The following STX10 variants were observed in gnomAD, a reference collection of about 807,000 sequenced individuals.
STX10 encodes the protein syntaxin-10.
In STX10, 35 loss-of-function variants were observed where a neutral mutation model predicts 34.1. That is an observed-to-expected ratio of 1.03 (90% confidence interval 0.78 to 1.36). STX10 has a LOEUF of 1.36. STX10 is among the 40% of genes most tolerant of loss of function. The pLI, the probability that STX10 is intolerant of heterozygous loss-of-function variation, is 0.00. For missense variants in STX10, 361 were observed against 335.5 expected (o/e 1.08, Z -0.59); for synonymous variants, 155 against 132.9 (o/e 1.17, Z -1.15).
chr19:13,149,477 C>T, intron 3 of STX10, 22 bp downstream of exon 3: 7 of 1,585,130 alleles, frequency 4.4e-6, no homozygotes, highest in African/African-American at 1.4e-5. Context: ...CCCCACTCCC[C>T]GCCTGCAGGA....
At chr19:13,146,489 C>A (rs905146664) in intron 4 of STX10, among the ~76,000 whole-genome samples, 4 of 151,924 alleles carry the variant, frequency 2.6e-5, no homozygotes, top group African/African-American at 9.7e-5. Context: ...CCTGCCTCAG[C>A]CTCCCAAAGT....
At chr19:13,145,225 C>T in intron 5 of STX10, 63 bp downstream of exon 5, 1 of 1,474,992 alleles carries the variant, frequency 6.8e-7, no homozygotes, top group South Asian at 1.2e-5. Flanking sequence ...AAAAGGGACC[C>T]CAGACCTCAG....
chr19:13,144,743 C>A (rs1216837168), intron 6 of STX10, 21 bp downstream of exon 6: 2 of 1,612,720 alleles, frequency 1.2e-6, no homozygotes, highest in Non-Finnish European at 1.7e-6. Flanking sequence ...CCCTGGCCCA[C>A]CCCCAGGGTC....
chr19:13,145,164 A>G (rs947791906), intron 5 of STX10, 124 bp downstream of exon 5: 42 of 900,530 alleles, frequency 4.7e-5, no homozygotes, highest in Non-Finnish European at 5.9e-5. Context: ...GCGCCACTGC[A>G]CTCCAGCCTG....
chr19:13,147,839 A>C (rs1184595330), intron 4 of STX10, among the ~76,000 whole-genome samples: 2 of 144,052 alleles, frequency 1.4e-5, no homozygotes, highest in African/African-American at 2.6e-5. Flanking sequence ...GGCTGCAGTG[A>C]GCCGAGATCA....
intron 4 of STX10, among the ~76,000 whole-genome samples, chr19:13,147,487 C>A (rs113841181): frequency 6.6e-6 from 1 of 151,520 alleles, no homozygotes; most frequent in East Asian, 2.0e-4. Context: ...GGAAGCTGGC[C>A]GGGCGCGGTG....
chr19:13,145,150 G>A, intron 5 of STX10, 138 bp downstream of exon 5: 2 of 798,260 alleles, frequency 2.5e-6, no homozygotes, highest in Non-Finnish European at 4.0e-6. Flanking sequence ...AGTGAGCTGA[G>A]ATCGCGCCAC....
At chr19:13,149,690 T>C (rs747262378) in intron 2 of STX10, 38 bp downstream of exon 2, 1 of 1,609,608 alleles carries the variant, frequency 6.2e-7, no homozygotes, top group African/African-American at 1.3e-5. Flanking sequence ...CGCAATGGGC[T>C]CTCCCATGCC....
Position 13,144,437 on chromosome 19 carries a change from G to A in STX10, c.723C>T (p.Leu241=), listed in dbSNP as rs374197370. The stretch of plus-strand genomic sequence containing the variant: ...AGAGAGAGAATAGTAAGATGAGAAC[G>A]AGGAGAAGCACCCCCACTAGCACGG... The part of the protein sequence containing the change: ...AIAVLVGVLL[L]VLILLFSL Residue 241 remains leucine, a synonymous_variant, in exon 8 of 8, where the codon CTC becomes CTT. Transcript: ENST00000587230. The A allele has an allele frequency of 5.6e-6, 9 of 1,612,404 alleles. No individual in the cohort carries two copies. Among genetic ancestry groups the A allele is most frequent in the South Asian group, 5.5e-5 (5 of 90,576 alleles).
In STX10 at chr19:13,145,363, T is replaced by C; in HGVS notation, c.396A>G (p.Ser132=). 1 of 1,611,770 alleles carries C rather than the reference T, an allele frequency of 6.2e-7. No homozygotes were observed. The highest frequency in any genetic ancestry group is 2.2e-5 in the East Asian group (1 of 44,880). ...CGCTGGCATCCAGCAGGTCGCTGGG[T>C]GACTTCTGGGCAGCTGGCTTGCCTG... ...ILAGKPAAQK[S]PSDLLDASAV... is the part of the protein sequence containing the mutation. The change falls in exon 5 of 8, where the codon TCA becomes TCG. Residue 132 remains serine (S), a synonymous_variant. Transcript: ENST00000587230.
At chr19:13,146,898 G>A (rs1009270391) in intron 4 of STX10, among the ~76,000 whole-genome samples, 2 of 152,058 alleles carry the variant, frequency 1.3e-5, no homozygotes, top group African/African-American at 2.4e-5. Context: ...ACATCTGGAA[G>A]GCACGTGGGC....
intron 7 of STX10, 25 bp downstream of exon 7, chr19:13,144,552 T>A (rs754886474): frequency 6.2e-7 from 1 of 1,614,060 alleles, no homozygotes; most frequent in Admixed American, 1.7e-5. Context: ...CCACCAGGAC[T>A]GACCCCTCCC....
rs1326360448 is a variant in STX10, at chr19:13,149,562, C to A, written c.237G>T (p.Lys79Asn). ...TCTCCTGCAGGTCCCCGGCTGGGAG[C>A]TTGAACTTGCCTGGGTTGGCTTCCA... ...GIVEANPGKFKLPAGDLQERK... is the reference protein window; with the variant it reads ...GIVEANPGKFNLPAGDLQERK... The change falls in exon 3 of 8, where the codon AAG becomes AAT. Residue 79 changes from lysine (K) to asparagine (N), a missense_variant. Physicochemically the swap from Lys to Asn is moderately conservative, Grantham distance 94. Transcript: ENST00000587230. 3 of 1,614,150 alleles carry A rather than the reference C, an allele frequency of 1.9e-6. No individual in the cohort carries two copies. In the Admixed American group the frequency reaches 5.0e-5, roughly 27 times the overall value.
In STX10 at chr19:13,149,103, G is replaced by A. The variant is rs1282284796; in HGVS notation, c.301-12C>T. The stretch of plus-strand genomic sequence containing the variant: ...TGGTCCTTCATTTCCTGGAGGTAAG[G>A]ACAGCATTAGGGAGGAAAGACACTC... On this transcript the variant is annotated splice_polypyrimidine_tract_variant and intron_variant, in intron 3 of 7. Coordinates refer to ENST00000587230, the MANE Select transcript of STX10 (RefSeq NM_003765.3). The A allele has an allele frequency of 1.3e-6, 2 of 1,585,934 alleles. No individual in the cohort carries two copies. The highest frequency in any genetic ancestry group is 2.3e-5 in the East Asian group (1 of 43,516).
rs1354346055 is a variant in STX10 at position 13,145,276 on chromosome 19, T to C, written c.471+12A>G. On this transcript the variant is annotated intron_variant, in intron 5 of 7. Transcript: ENST00000587230. ...TCTCCCCTCCCAAGATCCACCCCGC[T>C]GGCCCCAAAACCTGCTGTGTGGCCT... 1.2e-6 allele frequency: 2 copies of C among 1,608,186 alleles called. No individual in the cohort carries two copies. Among genetic ancestry groups the C allele is most frequent in the Non-Finnish European group, 1.7e-6 (2 of 1,179,312 alleles).
rs775815987 is a variant in STX10, at chr19:13,149,762, G to C, written c.171C>G (p.Ile57Met). Residue 57 changes from isoleucine to methionine, a missense_variant, in exon 2 of 8, where the codon ATC (isoleucine) becomes ATG (methionine). Coordinates refer to ENST00000587230, the MANE Select transcript of STX10 (RefSeq NM_003765.3). ...CTTCCAGGTCCTCGAGGTCCCACTC[G>C]ATGCTGCGCAGGCCATTCCGCAGCT... Reference protein sequence around the residue: ...TNELRNGLRSIEWDLEDLEET... With the variant: ...TNELRNGLRSMEWDLEDLEET... The C allele has an allele frequency of 4.3e-6, 7 of 1,614,084 alleles. No homozygotes were observed. The East Asian group carries it at 1.3e-4, about 31-fold the overall frequency.
intron 4 of STX10, among the ~76,000 whole-genome samples, chr19:13,146,016 A>C (rs4926227): frequency 3.2e-5 from 4 of 126,468 alleles, no homozygotes; most frequent in African/African-American, 6.1e-5. Context: ...ACAGGTTAAG[A>C]CCTTCTCTCA....
chr19:13,147,079 A>AACACAGAAACAC (rs1555724097), intron 4 of STX10, among the ~76,000 whole-genome samples: 1 of 145,142 alleles, frequency 6.9e-6, no homozygotes, highest in Non-Finnish European at 1.5e-5. Context: ...GAAACACAGA[A>AACACAGAAACAC]ACACACACAC....
In STX10 at chr19:13,145,298, G is replaced by A; in HGVS notation, c.461C>T (p.Ala154Val). 1.2e-6 allele frequency: 2 copies of A among 1,610,772 alleles called. No individual in the cohort carries two copies. The highest frequency in any genetic ancestry group is 1.3e-5 in the African/African-American group (1 of 75,062). The change falls in exon 5 of 8, where the codon GCC becomes GTC. Residue 154 changes from alanine (A) to valine (V), a missense_variant. By Grantham distance (64) the Ala-to-Val change is moderately conservative. Transcript: ENST00000587230. Reference sequence around the variant, plus strand: ...CGCTGGCCCCAAAACCTGCTGTGTGGCCTGCTGCTCCTCGATGTAGCGAGA... The same window carrying A: ...CGCTGGCCCCAAAACCTGCTGTGTGACCTGCTGCTCCTCGATGTAGCGAGA... ...ATSRYIEEQQ[A>V]TQQLIMDEQD...
Sources: allele counts gnomAD v4.1 joint callset (sites outside exome capture counted in the v4.1 genomes callset), GRCh38; gene constraint gnomAD v4.1.1; transcripts MANE v1.5; gene names NCBI Gene and HGNC (gene_info 2026-07-23, HGNC 2026-07-21).